The following LPP variants were observed in gnomAD, a reference collection of about 807,000 sequenced individuals.
LPP encodes LIM domain containing preferred translocation partner in lipoma, also known as lipoma-preferred partner.
Under a neutral mutation model 60.4 loss-of-function variants are expected in LPP, and 38 were observed. That is an observed-to-expected ratio of 0.63 (90% CI 0.49 to 0.83). The LOEUF is 0.83. LPP is among the 40% of genes least tolerant of loss of function. The pLI, the probability that LPP is intolerant of heterozygous loss-of-function variation, is 0.00. For synonymous variants in LPP, 328 were observed against 290.8 expected, an observed-to-expected ratio of 1.13 and a Z score of -1.30; for missense variants, 902 against 783.6, an observed-to-expected ratio of 1.15 and a Z score of -1.80.
intron 7 of LPP, among the ~76,000 whole-genome samples, chr3:188,620,644 G>A (rs1411385614): frequency 6.6e-6 from 1 of 152,074 alleles, no homozygotes; most frequent in African/African-American, 2.4e-5. Flanking sequence ...TATGTTTTCA[G>A]TTTTCTTGGG....
chr3:188,183,025 T>G (rs2148922454), intron 1 of LPP, among the ~76,000 whole-genome samples: 1 of 152,112 alleles, frequency 6.6e-6, no homozygotes, highest in South Asian at 2.1e-4. Context: ...TCAATGAGCA[T>G]CCCAAGGTCA....
At chr3:188,575,588 C>T (rs773700609) in intron 6 of LPP, among the ~76,000 whole-genome samples, 33 of 152,132 alleles carry the variant, frequency 2.2e-4, no homozygotes, top group Middle Eastern at 3.2e-3. Context: ...ATGTAGCTCT[C>T]TTCAGGCTGA....
chr3:188,818,728 C>A (rs1026067429), intron 9 of LPP, among the ~76,000 whole-genome samples: 1 of 152,100 alleles, frequency 6.6e-6, no homozygotes, highest in African/African-American at 2.4e-5. Flanking sequence ...ATTGCTTAAC[C>A]TCTCCGAGGC....
chr3:188,694,616 C>A (rs894436506), intron 7 of LPP, among the ~76,000 whole-genome samples: 2 of 151,682 alleles, frequency 1.3e-5, no homozygotes, highest in Non-Finnish European at 2.9e-5. Flanking sequence ...GCAGGAGAAT[C>A]ACTTGAACCC....
At chr3:188,757,098 A>T (rs147258146) in intron 8 of LPP, among the ~76,000 whole-genome samples, 172 of 152,166 alleles carry the variant, frequency 1.1e-3, no homozygotes, top group African/African-American at 4.1e-3. Flanking sequence ...TCTCCACACA[A>T]CCTTTCCTGA....
chr3:188,765,453 C>T (rs965209276), intron 9 of LPP, among the ~76,000 whole-genome samples: 12 of 152,020 alleles, frequency 7.9e-5, no homozygotes, highest in Non-Finnish European at 1.5e-4. Context: ...AGCATGTTAC[C>T]CACTGGGAAT....
chr3:188,361,706 A>G (rs1043577620), intron 3 of LPP, among the ~76,000 whole-genome samples: 1 of 151,952 alleles, frequency 6.6e-6, no homozygotes, highest in African/African-American at 2.4e-5. Flanking sequence ...AGCTGGGATT[A>G]CAGGCGCCCT....
At chr3:188,667,345 G>A (rs935874117) in intron 7 of LPP, among the ~76,000 whole-genome samples, 2 of 151,948 alleles carry the variant, frequency 1.3e-5, no homozygotes, top group Non-Finnish European at 2.9e-5. Context: ...GGGCGTGGTG[G>A]TGGGCGCCTG....
chr3:188,179,262 CCT>C (rs752503578), intron 1 of LPP: 13 of 458,264 alleles, frequency 2.8e-5, no homozygotes, highest in East Asian at 7.0e-5. Flanking sequence ...TGCATTGCCC[CCT>C]GTCTTCGCAG....
At chr3:188,674,349 T>C (rs1857549972) in intron 7 of LPP, among the ~76,000 whole-genome samples, 1 of 152,212 alleles carries the variant, frequency 6.6e-6, no homozygotes, top group Non-Finnish European at 1.5e-5. Context: ...TTTTTTACCA[T>C]TTTGTGCCTA....
intron 2 of LPP, among the ~76,000 whole-genome samples, chr3:188,241,232 G>A (rs1295733128): frequency 1.3e-5 from 2 of 152,168 alleles, no homozygotes; most frequent in East Asian, 1.9e-4. Context: ...GCTGTTATCT[G>A]CGCAGGCCTC....
intron 7 of LPP, among the ~76,000 whole-genome samples, chr3:188,640,473 G>C (rs1176951118): frequency 6.7e-6 from 1 of 149,752 alleles, no homozygotes; most frequent in East Asian, 2.0e-4. Context: ...ACGTATGTAA[G>C]TAACCTGCAC....
chr3:188,656,834 G>T (rs1315426953), intron 7 of LPP, among the ~76,000 whole-genome samples: 1 of 152,200 alleles, frequency 6.6e-6, no homozygotes, highest in African/African-American at 2.4e-5. Context: ...CTGCCCAATA[G>T]CTCTGTGAAA....
At chr3:188,786,681 C>A (rs779539201) in intron 9 of LPP, among the ~76,000 whole-genome samples, 33 of 152,054 alleles carry the variant, frequency 2.2e-4, no homozygotes, top group Admixed American at 2.1e-3. Context: ...TGGAAAAAAC[C>A]CAGATGTCTT....
intron 2 of LPP, among the ~76,000 whole-genome samples, chr3:188,303,189 A>G (rs911029064): frequency 5.3e-5 from 8 of 152,212 alleles, no homozygotes; most frequent in Admixed American, 5.2e-4. Flanking sequence ...GCTCTTAGAT[A>G]ATACACGAAA....
At chr3:188,755,266 A>G (rs1473549794) in intron 8 of LPP, among the ~76,000 whole-genome samples, 1 of 152,182 alleles carries the variant, frequency 6.6e-6, no homozygotes, top group African/African-American at 2.4e-5. Flanking sequence ...CATATTTAAT[A>G]CTTTACATTT....
Position 188,640,292 on chromosome 3 carries a change from C to G in LPP, c.1113+30448C>G, listed in dbSNP as rs1849786580. Among the ~76,000 whole-genome samples, 3 of 149,386 alleles carry G rather than the reference C, an allele frequency of 2.0e-5. No homozygotes were observed. In the Admixed American group the frequency reaches 2.0e-4, roughly 10 times the overall value. On this transcript the variant is annotated intron_variant, in intron 7 of 11. Coordinates refer to ENST00000617246, the MANE Select transcript of LPP (RefSeq NM_001375462.1). ...AACAAAAAACCAAACACCACATATT[C>G]TCACTTATAGGTGGGAATTGAACAA...
At chr3:188,852,035 G>A (rs558556333) in intron 9 of LPP, among the ~76,000 whole-genome samples, 8 of 152,190 alleles carry the variant, frequency 5.3e-5, no homozygotes, top group South Asian at 2.1e-4. Flanking sequence ...ATGATGGCAC[G>A]TGCTTGTAGT....
intron 7 of LPP, among the ~76,000 whole-genome samples, chr3:188,671,088 A>G (rs921601960): frequency 1.1e-4 from 17 of 152,184 alleles, no homozygotes; most frequent in Non-Finnish European, 1.0e-4. Context: ...AAATCTTTCC[A>G]ATTTTGAAAG....
Sources: allele counts gnomAD v4.1 joint callset (sites outside exome capture counted in the v4.1 genomes callset), GRCh38; gene constraint gnomAD v4.1.1; transcripts MANE v1.5; gene names NCBI Gene and HGNC (gene_info 2026-07-23, HGNC 2026-07-21).